ME3: variants seen among roughly 807,000 people sequenced by gnomAD.
The protein encoded by ME3 is NADP-dependent malic enzyme, mitochondrial.
ME3 carries 48 observed loss-of-function variants against 68.9 expected under a neutral mutation model. That is an observed-to-expected ratio of 0.70 (90% CI 0.55 to 0.89). The LOEUF (loss-of-function observed/expected upper bound fraction) is 0.89. Ranked by LOEUF, ME3 falls within the 40% of genes least tolerant of loss-of-function variation. The probability of loss-of-function intolerance (pLI) is 0.00; values close to 1 mark genes in which losing one functional copy is unlikely to be tolerated. For missense variants in ME3, 675 were observed against 797.4 expected (o/e 0.85, Z 1.85); for synonymous variants, 320 against 318.8 (o/e 1.00, Z -0.04).
intron 7 of ME3, 145 bp downstream of exon 7, chr11:86,487,192 T>C: frequency 1.5e-6 from 1 of 668,582 alleles, no homozygotes; most frequent in South Asian, 1.8e-5. Context: ...TTATCACTCC[T>C]AGGGGTCAAG....
At chr11:86,570,598 T>C (rs938953468) in intron 2 of ME3, among the ~76,000 whole-genome samples, 5 of 152,168 alleles carry the variant, frequency 3.3e-5, no homozygotes, top group African/African-American at 1.2e-4. Flanking sequence ...CCCAGACATA[T>C]TTCTGTGATC....
intron 2 of ME3, among the ~76,000 whole-genome samples, chr11:86,643,293 G>A (rs956951715): frequency 6.2e-5 from 7 of 113,372 alleles, no homozygotes; most frequent in Admixed American, 4.1e-4. Context: ...CTTCATGCAG[G>A]CAAACAGCAG....
chr11:86,533,419 A>ATAGTACC (rs1351896135), intron 4 of ME3, among the ~76,000 whole-genome samples: 5 of 152,320 alleles, frequency 3.3e-5, no homozygotes, highest in Non-Finnish European at 7.4e-5. Context: ...TCTTGGCAAC[A>ATAGTACC]TAGTACCTGC....
intron 2 of ME3, among the ~76,000 whole-genome samples, chr11:86,668,806 A>G (rs1047221984): frequency 6.6e-6 from 1 of 152,242 alleles, no homozygotes; most frequent in African/African-American, 2.4e-5. Context: ...CTGCAAATCT[A>G]GTGAACACAT....
rs748371206 is a variant in ME3 at position 86,498,121 on chromosome 11, C to T, written c.547G>A (p.Val183Met). ...ATGCGCTCCCCATCAGTCACCACCA[C>T]GGCCTGAAAAACAGCAGGGCACCAT... The change falls in exon 6 of 15, where the codon GTG (valine) becomes ATG (methionine). Residue 183 changes from valine to methionine, a missense_variant. Transcript: ENST00000543262. 3.0e-5 allele frequency: 49 copies of T among 1,608,892 alleles called. No homozygotes were observed. Among genetic ancestry groups the T allele is most frequent in the South Asian group, 5.5e-5 (5 of 90,296 alleles).
intron 10 of ME3, among the ~76,000 whole-genome samples, chr11:86,449,042 A>G (rs897320616): frequency 3.9e-5 from 6 of 152,214 alleles, no homozygotes; most frequent in African/African-American, 1.4e-4. Context: ...AGGAATCTCC[A>G]AGGCTAAGTT....
chr11:86,645,716 C>A (rs1944965367), intron 2 of ME3, among the ~76,000 whole-genome samples: 1 of 152,210 alleles, frequency 6.6e-6, no homozygotes, highest in African/African-American at 2.4e-5. Context: ...GATAGACTGC[C>A]TCCTCAAGTG....
intron 2 of ME3, among the ~76,000 whole-genome samples, chr11:86,667,556 A>G (rs1319362279): frequency 6.6e-6 from 1 of 152,238 alleles, no homozygotes; most frequent in Admixed American, 6.5e-5. Flanking sequence ...ATATTTATTG[A>G]GCATTTCAAG....
intron 7 of ME3, among the ~76,000 whole-genome samples, chr11:86,475,872 T>TAGAGAG (rs1317802075): frequency 2.9e-3 from 303 of 103,680 alleles, no homozygotes; most frequent in East Asian, 6.8e-3. Flanking sequence ...TATATATATA[T>TAGAGAG]ATAGAGAGAG....
At chr11:86,632,013 G>A (rs1944049333) in intron 2 of ME3, among the ~76,000 whole-genome samples, 3 of 152,202 alleles carry the variant, frequency 2.0e-5, no homozygotes, top group Admixed American at 1.3e-4. Flanking sequence ...GATTACAGGT[G>A]TGAGCCACCA....
At chr11:86,671,338 C>T (rs945717221) in intron 2 of ME3, among the ~76,000 whole-genome samples, 2 of 152,204 alleles carry the variant, frequency 1.3e-5, no homozygotes, top group African/African-American at 2.4e-5. Flanking sequence ...AACGTACCCC[C>T]ATTTTCTACC....
chr11:86,599,241 C>A (rs547617521), intron 2 of ME3, among the ~76,000 whole-genome samples: 2 of 152,214 alleles, frequency 1.3e-5, no homozygotes, highest in African/African-American at 4.8e-5. Flanking sequence ...ATAACCGATA[C>A]AGAGAAGTGC....
chr11:86,442,348 A>G (rs1216232609), intron 14 of ME3, among the ~76,000 whole-genome samples: 1 of 152,140 alleles, frequency 6.6e-6, no homozygotes, highest in East Asian at 1.9e-4. Context: ...TTCTCTGCCA[A>G]TCTCCAGAAT....
At chr11:86,567,758 T>C (rs982287420) in intron 2 of ME3, among the ~76,000 whole-genome samples, 1 of 152,200 alleles carries the variant, frequency 6.6e-6, no homozygotes, top group African/African-American at 2.4e-5. Context: ...ACCTCAGATT[T>C]ACAAGTCTGC....
chr11:86,621,647 A>G (rs144306482), intron 2 of ME3, among the ~76,000 whole-genome samples: 1 of 151,980 alleles, frequency 6.6e-6, no homozygotes, highest in African/African-American at 2.4e-5. Flanking sequence ...ATAGGGTTGT[A>G]TTCAAATTCA....
intron 8 of ME3, among the ~76,000 whole-genome samples, chr11:86,455,910 G>A (rs532230138): frequency 1.5e-4 from 23 of 152,270 alleles, no homozygotes; most frequent in East Asian, 1.9e-4. Context: ...AAGAAAGGGC[G>A]AGGAGAATTG....
intron 7 of ME3, among the ~76,000 whole-genome samples, chr11:86,466,799 G>T (rs1409631345): frequency 2.6e-5 from 4 of 152,204 alleles, no homozygotes; most frequent in Non-Finnish European, 5.9e-5. Flanking sequence ...AAACACAGGG[G>T]CAGTGACTTG....
chr11:86,566,210 A>G (rs1474722312), intron 2 of ME3, among the ~76,000 whole-genome samples: 1 of 152,242 alleles, frequency 6.6e-6, no homozygotes, highest in Admixed American at 6.5e-5. Context: ...CTGCTAATGT[A>G]ACCCCTGTTG....
intron 4 of ME3, among the ~76,000 whole-genome samples, chr11:86,524,798 G>T (rs1954604415): frequency 6.6e-6 from 1 of 152,164 alleles, no homozygotes; most frequent in South Asian, 2.1e-4. Context: ...AAATGTAAGA[G>T]ACAGCTAAGT....
Sources: gnomAD v4.1 joint callset for allele counts (sites outside exome capture counted in the v4.1 genomes callset) on GRCh38, gnomAD v4.1.1 for gene constraint, MANE v1.5 for transcripts, NCBI Gene and HGNC (gene_info 2026-07-23, HGNC 2026-07-21) for gene names.